ARID5B: variants seen among roughly 807,000 people sequenced by gnomAD.
ARID5B encodes AT-rich interaction domain 5B.
In ARID5B, 13 loss-of-function variants were observed where a neutral mutation model predicts 97.2. The ratio of observed to expected loss-of-function variants is 0.13; its 90% CI spans 0.09 to 0.21. The LOEUF is 0.21. Ranked by LOEUF, ARID5B falls within the 10% of genes least tolerant of loss-of-function variation. The pLI, the probability that ARID5B is intolerant of heterozygous loss-of-function variation, is 1.00. For synonymous variants in ARID5B, 556 were observed against 570.3 expected (o/e 0.97, Z 0.36); for missense variants, 1,210 against 1,465.3 (o/e 0.83, Z 2.84).
chr10:61,948,272 C>A (rs763524217), intron 3 of ARID5B, among the ~76,000 whole-genome samples: 4 of 151,776 alleles, frequency 2.6e-5, no homozygotes, highest in Non-Finnish European at 5.9e-5. Context: ...GTTTTCTCCT[C>A]TTTTTCCTTC....
chr10:62,001,910 A>C (rs1188137702), intron 4 of ARID5B, among the ~76,000 whole-genome samples: 1 of 152,226 alleles, frequency 6.6e-6, no homozygotes, highest in Admixed American at 6.5e-5. Context: ...AAATGTATGC[A>C]ATACATTTTT....
rs565983973 is a variant in ARID5B at position 62,071,030 on chromosome 10, C to CT, written c.1199+1257dup. On this transcript the variant is annotated intron_variant, in intron 8 of 9. Coordinates refer to ENST00000279873, the MANE Select transcript of ARID5B (RefSeq NM_032199.3). The stretch of plus-strand genomic sequence containing the variant: ...TTATGAGTCAAGGCTTCATTCAGAA[C>CT]TTTTTTTTTTTTTTTTTTTTTTTTG... Among the ~76,000 whole-genome samples the CT allele has an allele frequency of 5.9e-3, 416 of 70,934 alleles. 2 individuals carry two copies. The highest frequency in any genetic ancestry group is 9.0e-3 in the African/African-American group (169 of 18,726). 46.5% of individuals were successfully genotyped at this position (70,934 alleles called of 152,430 possible). A position where few individuals can be genotyped will look rare whatever the true frequency, so the allele number is the denominator to read the frequency against.
rs934866525 is a variant in ARID5B at position 62,044,600 on chromosome 10, C to T, written c.734-6288C>T. On this transcript the variant is annotated intron_variant, in intron 4 of 9. Transcript: ENST00000279873. ...ATTGCCCAAGCTGGTCTCAAGTTCCCGGTCAAGCAATATTCCCACCTCCCA... is the reference window on the plus strand; with the variant it reads ...ATTGCCCAAGCTGGTCTCAAGTTCCTGGTCAAGCAATATTCCCACCTCCCA... 2.0e-5 allele frequency among the ~76,000 whole-genome samples: 3 copies of T among 152,026 alleles called. No individual in the cohort carries two copies. The East Asian group carries it at 5.8e-4, about 29-fold the overall frequency.
intron 4 of ARID5B, chr10:62,049,348 T>A (rs1839754220): frequency 6.5e-7 from 1 of 1,536,230 alleles, no homozygotes; most frequent in Non-Finnish European, 8.8e-7. Flanking sequence ...GCGCTGAGCC[T>A]CGCAGCTCGC....
chr10:61,943,825 G>A (rs1844456631), intron 3 of ARID5B, among the ~76,000 whole-genome samples: 1 of 151,056 alleles, frequency 6.6e-6, no homozygotes, highest in South Asian at 2.1e-4. Context: ...GCCCCACATG[G>A]CAGCTTCCAA....
intron 3 of ARID5B, among the ~76,000 whole-genome samples, chr10:61,964,086 G>A (rs910467832): frequency 1.3e-5 from 2 of 152,072 alleles, no homozygotes; most frequent in African/African-American, 4.8e-5. Flanking sequence ...GATGTAGTGG[G>A]GAGAGAATCA....
At chr10:61,954,257 T>C (rs1838361448) in intron 3 of ARID5B, among the ~76,000 whole-genome samples, 1 of 151,668 alleles carries the variant, frequency 6.6e-6, no homozygotes, top group South Asian at 2.1e-4. Context: ...CTCGGGAGGC[T>C]GAGGCAGGAG....
intron 3 of ARID5B, among the ~76,000 whole-genome samples, chr10:61,978,242 A>T (rs900003792): frequency 6.6e-6 from 1 of 152,186 alleles, no homozygotes; most frequent in Admixed American, 6.5e-5. Context: ...TACCAGTACC[A>T]TGCTGTTTTG....
chr10:62,092,394 A>G lies in ARID5B; in HGVS notation c.2931A>G (p.Lys977=). Residue 977 remains lysine (K), a synonymous_variant, in exon 10 of 10, where the codon AAA becomes AAG. Coordinates refer to ENST00000279873, the MANE Select transcript of ARID5B (RefSeq NM_032199.3). ...KYPESLSRSG[K]PHHVRLENFR... ...CTGAATCGCTTTCAAGATCAGGAAA[A>G]CCTCACCATGTGAGACTGGAGAATT... is the stretch of plus-strand genomic sequence containing the variant. 6.2e-7 allele frequency: 1 copy of G among 1,614,126 alleles called. No individual in the cohort carries two copies. Among genetic ancestry groups the G allele is most frequent in the Non-Finnish European group, 8.5e-7 (1 of 1,180,022 alleles).
At chr10:61,959,411 G>T (rs1241122378) in intron 3 of ARID5B, among the ~76,000 whole-genome samples, 1 of 152,074 alleles carries the variant, frequency 6.6e-6, no homozygotes, top group Admixed American at 6.6e-5. Context: ...TCAGTGTTTG[G>T]CAGGAGATAT....
intron 4 of ARID5B, among the ~76,000 whole-genome samples, chr10:62,015,422 G>C (rs989699403): frequency 3.9e-5 from 6 of 152,104 alleles, no homozygotes; most frequent in African/African-American, 1.4e-4. Flanking sequence ...GTGCTCTTAC[G>C]GGTTGTGTTG....
chr10:61,902,053 C>T (rs1253385639), intron 1 of ARID5B, 106 bp from the exon 2 acceptor site: 3 of 1,287,286 alleles, frequency 2.3e-6, no homozygotes, highest in Non-Finnish European at 3.2e-6. Flanking sequence ...TCTGTTGGGT[C>T]GTCTGTATTA....
At chr10:62,055,996 C>T (rs1248486751) in intron 5 of ARID5B, among the ~76,000 whole-genome samples, 10 of 152,174 alleles carry the variant, frequency 6.6e-5, no homozygotes, top group Non-Finnish European at 1.2e-4. Flanking sequence ...ATGTCAGTTA[C>T]GGAGATGTAA....
chr10:62,056,991 A>AG, intron 5 of ARID5B, 126 bp from the exon 6 acceptor site: 1 of 833,128 alleles, frequency 1.2e-6, no homozygotes, highest in Admixed American at 2.9e-5. Flanking sequence ...TATTAAAAGC[A>AG]GGGATAATTT....
intron 3 of ARID5B, among the ~76,000 whole-genome samples, chr10:61,991,394 C>T (rs1266949899): frequency 6.6e-6 from 1 of 152,136 alleles, no homozygotes; most frequent in Admixed American, 6.5e-5. Context: ...AGTCATCCTA[C>T]TGGGTGTGAA....
At chr10:61,902,525 C>A in intron 2 of ARID5B, 112 bp downstream of exon 2, 1 of 1,428,860 alleles carries the variant, frequency 7.0e-7, no homozygotes, top group Non-Finnish European at 9.5e-7. Flanking sequence ...CAAGCAGGAT[C>A]GACTCCTTTT....
intron 3 of ARID5B, among the ~76,000 whole-genome samples, chr10:61,942,876 C>T (rs968221516): frequency 1.3e-5 from 2 of 152,294 alleles, no homozygotes; most frequent in Non-Finnish European, 2.9e-5. Flanking sequence ...ATTTTGGAGA[C>T]AGCTTTATGA....
At chr10:62,012,143 C>G (rs75446254) in intron 4 of ARID5B, among the ~76,000 whole-genome samples, 3,638 of 152,254 alleles carry the variant, frequency 0.024, 207 homozygotes, top group Admixed American at 0.14. Context: ...TACCATATGT[C>G]AGGCCTTATG....
intron 3 of ARID5B, among the ~76,000 whole-genome samples, chr10:61,999,467 A>ACACTGTAGAGTACCGGTGTT (rs1242531105): frequency 1.3e-5 from 2 of 152,202 alleles, no homozygotes; most frequent in Non-Finnish European, 2.9e-5. Flanking sequence ...GCAACACAGT[A>ACACTGTAGAGTACCGGTGTT]CACTGTAGAG....
Sources: gnomAD v4.1 joint callset for allele counts (sites outside exome capture counted in the v4.1 genomes callset) on GRCh38, gnomAD v4.1.1 for gene constraint, MANE v1.5 for transcripts, NCBI Gene and HGNC (gene_info 2026-07-23, HGNC 2026-07-21) for gene names.